Variants in KCNQ2 observed in about 807,000 individuals in gnomAD.
The protein encoded by KCNQ2 is potassium voltage-gated channel subfamily Q member 2.
A neutral mutation model predicts 84.8 loss-of-function variants in KCNQ2; 14 were observed. The ratio of observed to expected loss-of-function variants is 0.17; its 90% CI spans 0.11 to 0.26. The LOEUF (loss-of-function observed/expected upper bound fraction) is 0.26. Among genes scored for constraint, KCNQ2 ranks in the 10% least tolerant of loss-of-function variants. The pLI is 1.00. For synonymous variants in KCNQ2, 599 were observed against 554.1 expected (o/e 1.08, Z -1.14); for missense variants, 788 against 1,254.0 (o/e 0.63, Z 5.61).
In KCNQ2 at chr20:63,418,216, G is replaced by A. The variant is rs546303850; in HGVS notation, c.1301+1403C>T. Among the ~76,000 whole-genome samples, 54 of 152,332 alleles carry A rather than the reference G, an allele frequency of 3.5e-4. No homozygotes were observed. In the South Asian group the frequency reaches 4.4e-3, roughly 12 times the overall value. On this transcript the variant is annotated intron_variant, in intron 12 of 16. Coordinates refer to ENST00000359125, the MANE Select transcript of KCNQ2 (RefSeq NM_172107.4). ...GAACAAGCGCACGCGAAAAGCTGCC[G>A]CCACCCACCTGGGAGGAGCCCTCGG...
intron 7 of KCNQ2, 105 bp from the exon 8 acceptor site, chr20:63,434,008 A>T: frequency 2.1e-6 from 2 of 938,638 alleles, no homozygotes; most frequent in Non-Finnish European, 3.3e-6. Context: ...CCCATGCTGT[A>T]GGCCAGGCAC....
At chr20:63,431,751 T>G (rs1159404008) in intron 8 of KCNQ2, among the ~76,000 whole-genome samples, 2 of 152,184 alleles carry the variant, frequency 1.3e-5, no homozygotes, top group African/African-American at 4.8e-5. Flanking sequence ...AACTGAGGAC[T>G]GCCGCGGGTC....
intron 1 of KCNQ2, among the ~76,000 whole-genome samples, chr20:63,451,844 A>G (rs562833875): frequency 6.6e-6 from 1 of 152,294 alleles, no homozygotes; most frequent in East Asian, 1.9e-4. Flanking sequence ...CGCAGTCCCC[A>G]TAGCTCCACC....
intron 1 of KCNQ2, among the ~76,000 whole-genome samples, chr20:63,466,178 C>T (rs558221568): frequency 6.6e-5 from 10 of 152,214 alleles, no homozygotes; most frequent in African/African-American, 2.4e-4. Context: ...AGGGCAGGCA[C>T]CTTCGTTCCA....
At chr20:63,456,188 C>T (rs1019067232) in intron 1 of KCNQ2, among the ~76,000 whole-genome samples, 1 of 152,154 alleles carries the variant, frequency 6.6e-6, no homozygotes. Flanking sequence ...CCCCCACCTC[C>T]GGGAGACTCC....
In KCNQ2 at chr20:63,420,090, G is replaced by A. The variant is rs527946726; in HGVS notation, c.1248-418C>T. Among the ~76,000 whole-genome samples, 44 of 152,358 alleles carry A rather than the reference G, an allele frequency of 2.9e-4. No homozygotes were observed. In the East Asian group the frequency reaches 3.3e-3, roughly 11 times the overall value. On this transcript the variant is annotated intron_variant, in intron 11 of 16. Coordinates refer to ENST00000359125, the MANE Select transcript of KCNQ2 (RefSeq NM_172107.4). The stretch of plus-strand genomic sequence containing the variant: ...GCACACACATTTGAGAGAGGAAAAC[G>A]TGCAGTTGTCCCGCTTTGCAAACCA...
chr20:63,414,963 G>C lies in KCNQ2; in HGVS notation c.1465C>G (p.Arg489Gly), dbSNP rs775387876. The C allele has an allele frequency of 5.6e-6, 9 of 1,612,292 alleles. No individual in the cohort carries two copies. The highest frequency in any genetic ancestry group is 7.6e-6 in the Non-Finnish European group (9 of 1,179,936). ...KVPKSWSFGDRSRARQAFRIK... is the reference protein window; with the variant it reads ...KVPKSWSFGDGSRARQAFRIK... The stretch of plus-strand genomic sequence containing the variant: ...CGGAAAGCCTGGCGTGCCCGGCTGC[G>C]GTCCCCGAAGCTCCAGCTCTTGGGC... Residue 489 changes from arginine to glycine, a missense_variant, in exon 13 of 17, where the codon CGC becomes GGC. Arg to Gly is a moderately radical substitution (Grantham distance 125). Transcript: ENST00000359125. This position sits in a 1 kb window ranked among gnomAD's most constrained non-coding sequence, Gnocchi z 6.6.
chr20:63,410,988 T>C lies in KCNQ2; in HGVS notation c.1764-2452A>G, dbSNP rs1402440742. 1.1e-5 allele frequency: 5 copies of C among 456,264 alleles called. No homozygotes were observed. The Admixed American group carries it at 1.2e-4, about 11-fold the overall frequency. The allele number at this position is 456,264 out of a possible 1,614,324, so 28.3% of individuals were successfully genotyped here. On this transcript the variant is annotated intron_variant, in intron 15 of 16. Transcript: ENST00000359125. The stretch of plus-strand genomic sequence containing the variant: ...TAGTCCCTGGGAGGCAAGAAGGCCT[T>C]GGAAAGTCTGAGTTAATCACTAAAG...
chr20:63,407,181 G>T lies in KCNQ2; in HGVS notation c.2082C>A (p.Ser694Arg). The change falls in exon 17 of 17, where the codon AGC becomes AGA. Residue 694 changes from serine to arginine, a missense_variant. Physicochemically the swap from Ser to Arg is moderately radical, Grantham distance 110 (BLOSUM62 -1). This residue lies in a region of KCNQ2 where 378 missense variants were observed against 434.5 expected (regional missense o/e 0.87). Transcript: ENST00000359125. The surrounding 1 kb of genome is among the most constrained non-coding windows in gnomAD (Gnocchi z 7.2). ...GCIVKIVRSS[S>R]STGQKNFSAP... ...CCGAGAAGTTCTTCTGGCCCGTGGA[G>T]CTGCTGGAGCGCACGATCTTGACAA... is the stretch of plus-strand genomic sequence containing the variant. The T allele has an allele frequency of 1.2e-6, 2 of 1,605,094 alleles. No homozygotes were observed.
chr20:63,464,777 G>A (rs953341801), intron 1 of KCNQ2, among the ~76,000 whole-genome samples: 1 of 152,188 alleles, frequency 6.6e-6, no homozygotes, highest in African/African-American at 2.4e-5. Flanking sequence ...ACATTGATCC[G>A]CATTCAAACT....
At position 63,472,296 on chromosome 20, in the gene KCNQ2, T is replaced by TTTGCTG. The variant is rs947053739; in HGVS notation, c.162_167dup (p.Ser55_Lys56insAsnSer). 6.5e-7 allele frequency: 1 copy of TTTGCTG among 1,538,488 alleles called. No individual in the cohort carries two copies. Among genetic ancestry groups the TTTGCTG allele is most frequent in the African/African-American group, 1.4e-5 (1 of 70,866 alleles). On this transcript the variant is annotated inframe_insertion, in exon 1 of 17. Coordinates refer to ENST00000359125, the MANE Select transcript of KCNQ2 (RefSeq NM_172107.4). The stretch of plus-strand genomic sequence containing the variant: ...CGGCGCCCGCGCCGCCCGCGCGAGG[T>TTTGCTG]TTGCTGAGGATGCTGCCGCGCTTGG...
At chr20:63,431,954 A>ACCCACAGGGAAGGC (rs2080803784) in intron 8 of KCNQ2, among the ~76,000 whole-genome samples, 1 of 94,318 alleles carries the variant, frequency 1.1e-5, no homozygotes, top group Non-Finnish European at 2.2e-5. Flanking sequence ...TCAGGGTAGG[A>ACCCACAGGGAAGGC]TCCACCCACA....
At position 63,433,878 on chromosome 20, in the gene KCNQ2, T is replaced by C. The variant is rs772800738; in HGVS notation, c.1049A>G (p.Asn350Ser). The C allele has an allele frequency of 6.2e-7, 1 of 1,613,546 alleles. No homozygotes were observed. The highest frequency in any genetic ancestry group is 8.5e-7 in the Non-Finnish European group (1 of 1,179,846). ...GGAGTGCAGGTCTGTGCGCGAGAGG[T>C]TGGTGGCGTAGAATCTCCAGGCCGA... Reference protein sequence around the residue: ...IQSAWRFYATNLSRTDLHSTW... With the variant: ...IQSAWRFYATSLSRTDLHSTW... The change falls in exon 8 of 17, where the codon AAC (asparagine) becomes AGC (serine). Residue 350 changes from asparagine (N) to serine (S), a missense_variant. Coordinates refer to ENST00000359125, the MANE Select transcript of KCNQ2 (RefSeq NM_172107.4).
At chr20:63,436,774 A>ATTT (rs2081022177) in intron 7 of KCNQ2, among the ~76,000 whole-genome samples, 1 of 114,480 alleles carries the variant, frequency 8.7e-6, no homozygotes, top group Admixed American at 9.5e-5. Context: ...TATAAACATA[A>ATTT]CTTTTTTTTT....
chr20:63,443,340 CCAT>C (rs1568937288), intron 4 of KCNQ2, among the ~76,000 whole-genome samples: 4 of 3,476 alleles, frequency 1.2e-3, no homozygotes, highest in African/African-American at 1.9e-3. Context: ...ACCATCACCA[CCAT>C]CACCACCACC....
intron 1 of KCNQ2, among the ~76,000 whole-genome samples, chr20:63,464,813 C>T (rs2082042161): frequency 6.6e-6 from 1 of 152,206 alleles, no homozygotes; most frequent in African/African-American, 2.4e-5. Flanking sequence ...CACAGCCCCG[C>T]GCACAGACTC....
chr20:63,460,443 G>C lies in KCNQ2; in HGVS notation c.296+11725C>G, dbSNP rs1451664386. Among the ~76,000 whole-genome samples, 1 of 152,002 alleles carries C rather than the reference G, an allele frequency of 6.6e-6. No homozygotes were observed. The highest frequency in any genetic ancestry group is 1.5e-5 in the Non-Finnish European group (1 of 67,980). ...CACTCCTGACCGAGGCTCCCAGCAGGCCTTCCCCCCCACAGCCCCCTGAGA... is the reference window on the plus strand; with the variant it reads ...CACTCCTGACCGAGGCTCCCAGCAGCCCTTCCCCCCCACAGCCCCCTGAGA... On this transcript the variant is annotated intron_variant, in intron 1 of 16. Coordinates refer to ENST00000359125, the MANE Select transcript of KCNQ2 (RefSeq NM_172107.4). The surrounding 1 kb of genome is among the most constrained non-coding windows in gnomAD (Gnocchi z 5.4).
In KCNQ2 at chr20:63,446,187, C is replaced by T. The variant is rs529383592; in HGVS notation, c.387+560G>A. 85 of 265,604 alleles carry T rather than the reference C, an allele frequency of 3.2e-4. 1 individual carries two copies. The East Asian group carries it at 4.4e-3, about 14-fold the overall frequency. 16.5% of individuals were successfully genotyped at this position (265,604 alleles called of 1,614,324 possible). ...GGCCCCAGGTAACTGCAAAGGGGGC[C>T]ACAGTCTCCACCCAGACCTTGGGAA... On this transcript the variant is annotated intron_variant, in intron 2 of 16. Transcript: ENST00000359125. This position sits in a 1 kb window ranked among gnomAD's most constrained non-coding sequence, Gnocchi z 5.5.
intron 1 of KCNQ2, chr20:63,449,313 A>C (rs2145804381): frequency 6.6e-6 from 1 of 152,374 alleles, no homozygotes; most frequent in East Asian, 1.9e-4. Context: ...ATGACCTTTC[A>C]CGCTATGAGC....
Sources: gnomAD v4.1 joint callset for allele counts (sites outside exome capture counted in the v4.1 genomes callset) on GRCh38, gnomAD v4.1.1 for gene constraint, gnomAD v4.1.1 regional missense constraint, Gnocchi (gnomAD v3.1) non-coding constraint, MANE v1.5 for transcripts, NCBI Gene and HGNC (gene_info 2026-07-23, HGNC 2026-07-21) for gene names.